The following UNC45B variants were observed in gnomAD, a reference collection of about 807,000 sequenced individuals.
UNC45B encodes the protein unc-45 myosin chaperone B.
UNC45B carries 78 observed loss-of-function variants against 98.7 expected under a neutral mutation model. The observed-to-expected ratio is 0.79, with a 90% CI of 0.66 to 0.95. The LOEUF (loss-of-function observed/expected upper bound fraction) is 0.95, where lower values mean the gene tolerates loss of function less well. Ranked by LOEUF, UNC45B falls within the 40% of genes least tolerant of loss-of-function variation. The pLI is 0.00. For synonymous variants in UNC45B, 462 were observed against 480.4 expected (o/e 0.96, Z 0.50); for missense variants, 1,225 against 1,184.9 (o/e 1.03, Z -0.50).
At chr17:35,179,452 G>A (rs988383186) in intron 17 of UNC45B, among the ~76,000 whole-genome samples, 7 of 152,142 alleles carry the variant, frequency 4.6e-5, no homozygotes, top group African/African-American at 7.2e-5. Flanking sequence ...ACATGCACAC[G>A]TATGTTTATT....
intron 3 of UNC45B, 71 bp from the exon 4 acceptor site, chr17:35,149,977 G>A: frequency 6.9e-7 from 1 of 1,457,282 alleles, no homozygotes; most frequent in Non-Finnish European, 9.1e-7. Flanking sequence ...GCTTCCTGGA[G>A]TTGGGGCAGT....
intron 9 of UNC45B, among the ~76,000 whole-genome samples, chr17:35,166,500 T>C (rs577913109): frequency 3.7e-4 from 57 of 152,246 alleles, no homozygotes; most frequent in Non-Finnish European, 6.8e-4. Flanking sequence ...GCTTGTTGAT[T>C]GAGGCTCCCT....
At chr17:35,159,341 C>A in intron 7 of UNC45B, 34 bp from the exon 8 acceptor site, 2 of 1,581,946 alleles carry the variant, frequency 1.3e-6, no homozygotes, top group South Asian at 1.1e-5. Context: ...GATTTCCTAC[C>A]CCTCTCTACT....
chr17:35,175,903 TG>T, intron 14 of UNC45B, 64 bp from the exon 15 acceptor site: 2 of 1,515,110 alleles, frequency 1.3e-6, no homozygotes, highest in Non-Finnish European at 1.8e-6. Context: ...GCTGGCCTGC[TG>T]CTGCTGCTGC....
At chr17:35,160,771 A>G (rs1200269297) in intron 8 of UNC45B, among the ~76,000 whole-genome samples, 1 of 152,202 alleles carries the variant, frequency 6.6e-6, no homozygotes, top group African/African-American at 2.4e-5. Flanking sequence ...GTTCTAGCAG[A>G]CAGTCACTCA....
At chr17:35,156,588 T>A (rs1363420994) in intron 7 of UNC45B, among the ~76,000 whole-genome samples, 2 of 151,878 alleles carry the variant, frequency 1.3e-5, no homozygotes. Flanking sequence ...ATTGCACCAC[T>A]GCACTCCAAC....
In UNC45B at chr17:35,186,399, A is replaced by G. The variant is rs1225950895; in HGVS notation, c.2630A>G (p.Asp877Gly). The G allele has an allele frequency of 6.2e-7, 1 of 1,614,060 alleles. No individual in the cohort carries two copies. Among genetic ancestry groups the G allele is most frequent in the Non-Finnish European group, 8.5e-7 (1 of 1,180,030 alleles). ...ATTGCCTACAACCTACTGGCAGCCG[A>G]TGCTGAGCTGGCCAAGAAGCTGGTG... ...LVIAYNLLAA[D>G]AELAKKLVES... The change falls in exon 20 of 20, where the codon GAT becomes GGT. Residue 877 changes from aspartate to glycine, a missense_variant. Coordinates refer to ENST00000394570, the MANE Select transcript of UNC45B (RefSeq NM_001267052.2).
chr17:35,166,751 T>C (rs1238526884), intron 9 of UNC45B, among the ~76,000 whole-genome samples: 1 of 152,056 alleles, frequency 6.6e-6, no homozygotes, highest in Non-Finnish European at 1.5e-5. Context: ...CTGTCAGAGC[T>C]TCCAAAGCTG....
chr17:35,170,554 A>G (rs924764008), intron 12 of UNC45B, among the ~76,000 whole-genome samples: 2 of 136,428 alleles, frequency 1.5e-5, no homozygotes, highest in African/African-American at 2.7e-5. Flanking sequence ...AAAAAAAAAA[A>G]GCAGGGCATC....
chr17:35,148,457 T>C, intron 2 of UNC45B, 26 bp downstream of exon 2: 1 of 1,608,460 alleles, frequency 6.2e-7, no homozygotes, highest in Non-Finnish European at 8.5e-7. Flanking sequence ...GGGCACAGGG[T>C]GGGAGTGAGG....
chr17:35,169,737 C>A, intron 10 of UNC45B, 100 bp from the exon 11 acceptor site: 1 of 995,880 alleles, frequency 1.0e-6, no homozygotes, highest in Non-Finnish European at 1.6e-6. Flanking sequence ...GAAAGAGGGG[C>A]GAAGTGTTCT....
chr17:35,182,582 G>A (rs1203862050), intron 18 of UNC45B, among the ~76,000 whole-genome samples: 2 of 152,186 alleles, frequency 1.3e-5, no homozygotes, highest in East Asian at 3.9e-4. Flanking sequence ...CCACCACATC[G>A]AGATGTGAGA....
At chr17:35,175,100 A>AGAG (rs1249444404) in intron 14 of UNC45B, among the ~76,000 whole-genome samples, 11 of 140,488 alleles carry the variant, frequency 7.8e-5, no homozygotes, top group African/African-American at 2.9e-4. Flanking sequence ...AAAGAAAGAA[A>AGAG]AAAGAAAAGA....
At chr17:35,169,512 T>C (rs1046011000) in intron 10 of UNC45B, among the ~76,000 whole-genome samples, 2 of 152,168 alleles carry the variant, frequency 1.3e-5, no homozygotes, top group Non-Finnish European at 2.9e-5. Context: ...AGGTTCCCCA[T>C]TGAAGCTTCA....
Position 35,186,304 on chromosome 17 carries a change from C to G in UNC45B, c.2535C>G (p.Thr845=), listed in dbSNP as rs201746299. Residue 845 remains threonine, a synonymous_variant, in exon 20 of 20, where the codon ACC becomes ACG. Transcript: ENST00000394570. The stretch of plus-strand genomic sequence containing the variant: ...ACCTTTTTCCCTGCCTCCAGACAAC[C>G]CAGTGGTTGGAGATCCTCCAGCGGC... ...KLCLKMTQVT[T]QWLEILQRLC... is the part of the protein sequence containing the mutation. 1 of 1,613,894 alleles carries G rather than the reference C, an allele frequency of 6.2e-7. No individual in the cohort carries two copies. Among genetic ancestry groups the G allele is most frequent in the Admixed American group, 1.7e-5 (1 of 60,012 alleles).
Position 35,180,546 on chromosome 17 carries a change from C to A in UNC45B, c.2256-13C>A, listed in dbSNP as rs776001596. The A allele has an allele frequency of 4.4e-6, 7 of 1,607,538 alleles. No individual in the cohort carries two copies. The highest frequency in any genetic ancestry group is 5.1e-6 in the Non-Finnish European group (6 of 1,175,208). ...GACTCAAGGGTCTTTCTTCCTCCAC[C>A]CTCCTACCCTAGGCAGAAGATCTTT... On this transcript the variant is annotated splice_polypyrimidine_tract_variant and intron_variant, in intron 17 of 19. Coordinates refer to ENST00000394570, the MANE Select transcript of UNC45B (RefSeq NM_001267052.2).
In UNC45B at chr17:35,186,698, T is replaced by C. The variant is rs566794843; in HGVS notation, c.*139T>C. On this transcript the variant is annotated 3_prime_UTR_variant, in exon 20 of 20. Transcript: ENST00000394570. ...TCAATATAAAGGAAAGACTTGATTG[T>C]TCTCTGAGTTGTGAGTCTTCTCCTT... is the stretch of plus-strand genomic sequence containing the variant. 3.2e-5 allele frequency: 32 copies of C among 1,000,842 alleles called. No individual in the cohort carries two copies. The African/African-American group carries it at 5.0e-4, about 16-fold the overall frequency. 62.0% of individuals were successfully genotyped at this position (1,000,842 alleles called of 1,614,324 possible).
intron 3 of UNC45B, 89 bp from the exon 4 acceptor site, chr17:35,149,959 A>T: frequency 7.3e-7 from 1 of 1,372,132 alleles, no homozygotes; most frequent in East Asian, 2.5e-5. Context: ...GAAACGAAGC[A>T]AGAGCATGCT....
At chr17:35,153,032 G>A (rs72823678) in intron 5 of UNC45B, 50 bp downstream of exon 5, 1,540 of 1,487,452 alleles carry the variant, frequency 1.0e-3, no homozygotes, top group Non-Finnish European at 1.1e-3. Flanking sequence ...CGCCAGTCTG[G>A]ACAGTGACAT....
Sources: gnomAD v4.1 joint callset for allele counts (sites outside exome capture counted in the v4.1 genomes callset) on GRCh38, gnomAD v4.1.1 for gene constraint, MANE v1.5 for transcripts, NCBI Gene and HGNC (gene_info 2026-07-23, HGNC 2026-07-21) for gene names.